MGAT4C: variants seen among roughly 807,000 people sequenced by gnomAD.
MGAT4C encodes the protein MGAT4 family member C.
Under a neutral mutation model 40.1 loss-of-function variants are expected in MGAT4C, and 19 were observed. The observed-to-expected ratio is 0.47, with a 90% CI of 0.33 to 0.70. The LOEUF (loss-of-function observed/expected upper bound fraction) is 0.70, where lower values mean the gene tolerates loss of function less well. Among genes scored for constraint, MGAT4C ranks in the 30% least tolerant of loss-of-function variants. The pLI, the probability that MGAT4C is intolerant of heterozygous loss-of-function variation, is 0.02. For missense variants in MGAT4C, 491 were observed against 563.2 expected, an observed-to-expected ratio of 0.87 and a Z score of 1.30; for synonymous variants, 181 against 187.1, an observed-to-expected ratio of 0.97 and a Z score of 0.27.
intron 2 of MGAT4C, among the ~76,000 whole-genome samples, chr12:86,016,615 A>G (rs1181922895): frequency 2.0e-5 from 3 of 152,176 alleles, no homozygotes; most frequent in Admixed American, 6.5e-5. Flanking sequence ...CAGAAGTAAA[A>G]ACCAATCTGT....
At chr12:86,084,461 T>C (rs995754391) in intron 1 of MGAT4C, among the ~76,000 whole-genome samples, 1 of 152,070 alleles carries the variant, frequency 6.6e-6, no homozygotes, top group Non-Finnish European at 1.5e-5. Flanking sequence ...TTCTGTGTAT[T>C]ACACATTTAG....
chr12:86,589,579 A>C (rs531035396), intron 2 of MGAT4C, among the ~76,000 whole-genome samples: 1 of 152,134 alleles, frequency 6.6e-6, no homozygotes, highest in East Asian at 1.9e-4. Flanking sequence ...CTGATACCAA[A>C]GCCGGGCAGA....
At chr12:86,558,467 G>A (rs1208199925) in intron 2 of MGAT4C, among the ~76,000 whole-genome samples, 1 of 152,024 alleles carries the variant, frequency 6.6e-6, no homozygotes, top group African/African-American at 2.4e-5. Context: ...AGAAAAGCAT[G>A]AAGTCACATA....
chr12:86,675,414 C>G (rs1406971716), intron 2 of MGAT4C, among the ~76,000 whole-genome samples: 1 of 152,176 alleles, frequency 6.6e-6, no homozygotes, highest in African/African-American at 2.4e-5. Context: ...GCTGTCATGT[C>G]TGTGATCATC....
chr12:86,618,566 A>C (rs1382436497), intron 2 of MGAT4C, among the ~76,000 whole-genome samples: 2 of 152,196 alleles, frequency 1.3e-5, no homozygotes, highest in Non-Finnish European at 2.9e-5. Context: ...AAGTGAATTA[A>C]GCCAGGAACA....
At chr12:86,489,980 C>G (rs11103968) in intron 2 of MGAT4C, among the ~76,000 whole-genome samples, 1,729 of 151,688 alleles carry the variant, frequency 0.011, 19 homozygotes, top group Non-Finnish European at 0.018. Context: ...GAGAATGGAA[C>G]CAAGTTGGAA....
intron 3 of MGAT4C, among the ~76,000 whole-genome samples, chr12:86,426,234 A>G (rs945225027): frequency 1.3e-4 from 20 of 152,122 alleles, no homozygotes; most frequent in Admixed American, 7.9e-4. Flanking sequence ...ATGTCCTTAG[A>G]GTACTGGTGT....
At chr12:86,169,482 T>C (rs1384435461) in intron 1 of MGAT4C, among the ~76,000 whole-genome samples, 1 of 152,190 alleles carries the variant, frequency 6.6e-6, no homozygotes, top group Non-Finnish European at 1.5e-5. Context: ...ATTTTGCAAC[T>C]CAAGTTCAAA....
chr12:86,232,646 TCCCA>T (rs1951372040), intron 1 of MGAT4C, among the ~76,000 whole-genome samples: 1 of 152,184 alleles, frequency 6.6e-6, no homozygotes, highest in Non-Finnish European at 1.5e-5. Context: ...AATACAAGTG[TCCCA>T]CCTACACATT....
intron 1 of MGAT4C, among the ~76,000 whole-genome samples, chr12:86,205,100 C>A (rs560294488): frequency 6.6e-6 from 1 of 151,866 alleles, no homozygotes; most frequent in South Asian, 2.1e-4. Flanking sequence ...AATTTGGATT[C>A]TAGATATTTA....
intron 1 of MGAT4C, among the ~76,000 whole-genome samples, chr12:86,743,636 C>T (rs1043842682): frequency 2.0e-5 from 3 of 151,412 alleles, no homozygotes; most frequent in Non-Finnish European, 3.0e-5. Context: ...GAATACATTT[C>T]CTTAATTTTA....
intron 3 of MGAT4C, among the ~76,000 whole-genome samples, chr12:86,406,599 A>G (rs1293309789): frequency 6.6e-6 from 1 of 152,076 alleles, no homozygotes; most frequent in Admixed American, 6.6e-5. Flanking sequence ...AAACAAAAAA[A>G]CAGTGACAAT....
intron 2 of MGAT4C, among the ~76,000 whole-genome samples, chr12:86,679,668 G>C (rs1393047950): frequency 5.3e-5 from 8 of 152,036 alleles, no homozygotes; most frequent in Non-Finnish European, 1.0e-4. Flanking sequence ...AGAGATCTCA[G>C]AGAGCTATCT....
intron 1 of MGAT4C, among the ~76,000 whole-genome samples, chr12:86,753,990 A>G (rs1320657147): frequency 6.6e-6 from 1 of 152,168 alleles, no homozygotes; most frequent in Admixed American, 6.6e-5. Flanking sequence ...ACTCCTAAAT[A>G]TTTACCTGAG....
chr12:86,384,448 T>C (rs1483720542), intron 3 of MGAT4C, among the ~76,000 whole-genome samples: 1 of 152,160 alleles, frequency 6.6e-6, no homozygotes, highest in African/African-American at 2.4e-5. Context: ...GATAATGGTG[T>C]TCAGGATTGT....
chr12:86,028,149 T>C (rs1565880100), intron 2 of MGAT4C: 1 of 1,288,490 alleles, frequency 7.8e-7, no homozygotes, highest in Non-Finnish European at 1.0e-6. Flanking sequence ...GCACAGTCTT[T>C]CTTACAACAA....
chr12:86,241,866 C>G (rs1287967899), intron 1 of MGAT4C, among the ~76,000 whole-genome samples: 1 of 152,170 alleles, frequency 6.6e-6, no homozygotes, highest in African/African-American at 2.4e-5. Flanking sequence ...CACTACCTGT[C>G]TGACTTGGCC....
chr12:86,353,511 T>G (rs1162128026), intron 3 of MGAT4C, among the ~76,000 whole-genome samples: 1 of 152,166 alleles, frequency 6.6e-6, no homozygotes, highest in Non-Finnish European at 1.5e-5. Context: ...TATCTCATTG[T>G]GGTGCAGACT....
At chr12:86,415,687 A>G (rs374963767) in intron 3 of MGAT4C, among the ~76,000 whole-genome samples, 1 of 152,088 alleles carries the variant, frequency 6.6e-6, no homozygotes, top group South Asian at 2.1e-4. Flanking sequence ...ATGAAGATAC[A>G]AAACCTTGAA....
Sources: gnomAD v4.1 joint callset for allele counts (sites outside exome capture counted in the v4.1 genomes callset) on GRCh38, gnomAD v4.1.1 for gene constraint, MANE v1.5 for transcripts, NCBI Gene and HGNC (gene_info 2026-07-23, HGNC 2026-07-21) for gene names.